SASH1: variants seen among roughly 807,000 people sequenced by gnomAD.
SASH1 encodes the protein SAM and SH3 domain-containing protein 1.
SASH1 carries 44 observed loss-of-function variants against 125.2 expected under a neutral mutation model. The observed-to-expected ratio is 0.35, with a 90% CI of 0.28 to 0.45. The LOEUF is 0.45. Ranked by LOEUF, SASH1 falls within the 20% of genes least tolerant of loss-of-function variation. SASH1 has a pLI of 1.00. For synonymous variants in SASH1, 639 were observed against 649.1 expected (o/e 0.98, Z 0.24); for missense variants, 1,426 against 1,614.5 (o/e 0.88, Z 2.00).
intron 4 of SASH1, among the ~76,000 whole-genome samples, chr6:148,463,206 G>T (rs1212982561): frequency 6.6e-6 from 1 of 151,484 alleles, no homozygotes; most frequent in South Asian, 2.1e-4. Flanking sequence ...GTGCAGTGGC[G>T]CAATCTCGGC....
chr6:148,519,456 C>A lies in SASH1; in HGVS notation c.863-91C>A. On this transcript the variant is annotated intron_variant, in intron 9 of 19. Transcript: ENST00000367467. This position sits in a 1 kb window ranked among gnomAD's most constrained non-coding sequence, Gnocchi z 4.8. Reference sequence around the variant, plus strand: ...TGGGAGCTGGGTTTATAAAGAGGGTCATGATACGGAGAAAGGTGGTGAATG... The same window carrying A: ...TGGGAGCTGGGTTTATAAAGAGGGTAATGATACGGAGAAAGGTGGTGAATG... 4 of 907,998 alleles carry A rather than the reference C, an allele frequency of 4.4e-6. No individual in the cohort carries two copies. The highest frequency in any genetic ancestry group is 1.6e-5 in the South Asian group (1 of 60,934). 56.2% of individuals were successfully genotyped at this position (907,998 alleles called of 1,614,324 possible).
chr6:148,545,934 A>G (rs999113131), intron 18 of SASH1, 81 bp from the exon 19 acceptor site: 36 of 1,385,150 alleles, frequency 2.6e-5, no homozygotes, highest in Non-Finnish European at 3.5e-5. Flanking sequence ...GTGAGACCCT[A>G]CGTTATATGT....
At chr6:148,329,100 T>C (rs949167931) in intron 1 of SASH1, among the ~76,000 whole-genome samples, 2 of 152,252 alleles carry the variant, frequency 1.3e-5, no homozygotes, top group African/African-American at 4.8e-5. Context: ...ATGGATAGAC[T>C]GTCCAAATGA....
At chr6:148,423,650 T>C (rs569451396) in intron 2 of SASH1, among the ~76,000 whole-genome samples, 2 of 152,348 alleles carry the variant, frequency 1.3e-5, no homozygotes, top group African/African-American at 4.8e-5. Context: ...AAGCCTTTAA[T>C]TTTTTATATT....
chr6:148,387,947 C>T (rs2114817543), intron 1 of SASH1, among the ~76,000 whole-genome samples: 1 of 104,864 alleles, frequency 9.5e-6, no homozygotes, highest in East Asian at 3.0e-4. Flanking sequence ...CAGGGTTTCA[C>T]TCTTGTTGCC....
chr6:148,333,995 T>C (rs1036706588), intron 1 of SASH1, among the ~76,000 whole-genome samples: 3 of 151,748 alleles, frequency 2.0e-5, no homozygotes, highest in Non-Finnish European at 2.9e-5. Flanking sequence ...GCTAATTTTT[T>C]GTATTTTTAG....
upstream of SASH1, among the ~76,000 whole-genome samples, chr6:148,270,032 A>G (rs1367414958): frequency 2.0e-5 from 3 of 152,204 alleles, no homozygotes; most frequent in African/African-American, 7.2e-5. Flanking sequence ...GATGTTATAG[A>G]TTTGGCTTCT....
chr6:148,380,034 G>A, intron 1 of SASH1: 1 of 452,992 alleles, frequency 2.2e-6, no homozygotes, highest in Non-Finnish European at 4.5e-6. Context: ...TTAAAAATGT[G>A]GAGTTTTGGC....
At chr6:148,422,253 A>G (rs901113288) in intron 2 of SASH1, among the ~76,000 whole-genome samples, 1 of 152,240 alleles carries the variant, frequency 6.6e-6, no homozygotes, top group Non-Finnish European at 1.5e-5. Flanking sequence ...TGCGGGGTCC[A>G]AGCAGGCATG....
chr6:148,417,201 G>C (rs1311803570), intron 2 of SASH1, among the ~76,000 whole-genome samples: 2 of 152,164 alleles, frequency 1.3e-5, no homozygotes, highest in Non-Finnish European at 2.9e-5. Flanking sequence ...AGTAGGGGAG[G>C]AGGGCAGAGA....
intron 1 of SASH1, among the ~76,000 whole-genome samples, chr6:148,364,036 C>T (rs1782353073): frequency 6.6e-6 from 1 of 152,020 alleles, no homozygotes; most frequent in South Asian, 2.1e-4. Context: ...ATGTCCTCAC[C>T]AAGTAATATA....
intron 1 of SASH1, among the ~76,000 whole-genome samples, chr6:148,351,860 A>G (rs1048877765): frequency 6.6e-6 from 1 of 152,074 alleles, no homozygotes; most frequent in Admixed American, 6.6e-5. Context: ...AATTATTTGT[A>G]GAGGAAAGGA....
chr6:148,354,832 G>A (rs1466296358), intron 1 of SASH1, among the ~76,000 whole-genome samples: 8 of 152,038 alleles, frequency 5.3e-5, no homozygotes, highest in Non-Finnish European at 1.0e-4. Context: ...GCGCAATCTC[G>A]GCTCACTGCA....
chr6:148,508,909 A>G, intron 8 of SASH1: 1 of 1,199,860 alleles, frequency 8.3e-7, no homozygotes, highest in Non-Finnish European at 1.1e-6. Context: ...ATGGGAAAGA[A>G]AGAATGTGTT....
At chr6:148,446,418 T>C (rs1776798274) in intron 4 of SASH1, among the ~76,000 whole-genome samples, 2 of 152,130 alleles carry the variant, frequency 1.3e-5, no homozygotes, top group Admixed American at 6.6e-5. Flanking sequence ...AGGGTTCTTT[T>C]CTTAAGGAAA....
At chr6:148,290,671 A>G (rs1014769746) in intron 1 of SASH1, among the ~76,000 whole-genome samples, 1 of 151,726 alleles carries the variant, frequency 6.6e-6, no homozygotes, top group East Asian at 2.0e-4. Context: ...AAGGCAGCAT[A>G]CTCGTTAAGA....
intron 6 of SASH1, among the ~76,000 whole-genome samples, chr6:148,473,643 T>C (rs940283752): frequency 1.3e-5 from 2 of 152,244 alleles, no homozygotes; most frequent in African/African-American, 2.4e-5. Context: ...TCCTCTGTCA[T>C]GACCTAGGAT....
the SASH1 span, among the ~76,000 whole-genome samples, chr6:148,216,855 C>T: frequency 4.6e-5 from 7 of 152,006 alleles, no homozygotes; most frequent in Admixed American, 2.0e-4. Flanking sequence ...CTCAGGCTCC[C>T]GAGTAGCTGG....
intron 8 of SASH1, among the ~76,000 whole-genome samples, chr6:148,505,767 A>G (rs1321484255): frequency 6.6e-6 from 1 of 151,724 alleles, no homozygotes; most frequent in Non-Finnish European, 1.5e-5. Context: ...CCCCCTGGGT[A>G]GCTGGGATTA....
Sources: gnomAD v4.1 joint callset for allele counts (sites outside exome capture counted in the v4.1 genomes callset) on GRCh38, gnomAD v4.1.1 for gene constraint, Gnocchi (gnomAD v3.1) non-coding constraint, MANE v1.5 for transcripts, NCBI Gene and HGNC (gene_info 2026-07-23, HGNC 2026-07-21) for gene names.